ARHGAP35: variants seen among roughly 807,000 people sequenced by gnomAD.
ARHGAP35 encodes Rho GTPase activating protein 35, also known as rho GTPase-activating protein 35.
In ARHGAP35, 15 loss-of-function variants were observed where a neutral mutation model predicts 111.1. The ratio of observed to expected loss-of-function variants is 0.13; its 90% CI spans 0.09 to 0.21. The LOEUF is 0.21. ARHGAP35 is among the 10% of genes least tolerant of loss of function. ARHGAP35 has a pLI of 1.00. For missense variants in ARHGAP35, 1,262 were observed against 1,873.0 expected (o/e 0.67, Z 6.02); for synonymous variants, 643 against 710.3 (o/e 0.91, Z 1.51).
In ARHGAP35 at chr19:46,989,249, G is replaced by C. The variant is rs891106786; in HGVS notation, c.3905-295G>C. The stretch of plus-strand genomic sequence containing the variant: ...AAGGAAGAGGCAACAGCATATCAAA[G>C]CCAGATGAAGGCAAGCTCCTGGCAC... On this transcript the variant is annotated intron_variant, in intron 4 of 6. Transcript: ENST00000672722. This position sits in a 1 kb window ranked among gnomAD's most constrained non-coding sequence, Gnocchi z 5.3. 2 of 303,798 alleles carry C rather than the reference G, an allele frequency of 6.6e-6. No individual in the cohort carries two copies. The highest frequency in any genetic ancestry group is 2.1e-5 in the African/African-American group (1 of 47,518). The allele number at this position is 303,798 out of a possible 1,614,324, so 18.8% of individuals were successfully genotyped here.
intron 2 of ARHGAP35, among the ~76,000 whole-genome samples, chr19:46,934,488 C>T (rs1410083736): frequency 1.3e-5 from 2 of 151,562 alleles, no homozygotes; most frequent in Non-Finnish European, 2.9e-5. Context: ...CCACCTCAGC[C>T]TCCTGAGTAG....
At chr19:46,879,019 C>T (rs947143178) in intron 1 of ARHGAP35, among the ~76,000 whole-genome samples, 4 of 152,150 alleles carry the variant, frequency 2.6e-5, no homozygotes, top group African/African-American at 4.8e-5. Flanking sequence ...TTTTATCCAC[C>T]GTAGAACTTC....
At chr19:46,938,652 C>T (rs942869235) in intron 3 of ARHGAP35, among the ~76,000 whole-genome samples, 5 of 150,146 alleles carry the variant, frequency 3.3e-5, no homozygotes, top group East Asian at 2.0e-4. Flanking sequence ...GGTGCCCAGC[C>T]GAAGATAGCA....
chr19:46,991,026 A>ATAGAGTAGCC (rs1343484304), intron 5 of ARHGAP35, among the ~76,000 whole-genome samples: 3 of 152,234 alleles, frequency 2.0e-5, no homozygotes, highest in Non-Finnish European at 4.4e-5. Flanking sequence ...TGGGAGGGTC[A>ATAGAGTAGCC]TAGAGTAGCC....
intron 1 of ARHGAP35, among the ~76,000 whole-genome samples, chr19:46,868,548 C>CAGCTT (rs2055870397): frequency 6.6e-6 from 1 of 152,142 alleles, no homozygotes; most frequent in Non-Finnish European, 1.5e-5. Context: ...CCACAAGTAC[C>CAGCTT]AGCTTGCCTT....
chr19:46,984,936 C>T (rs949396537), intron 3 of ARHGAP35, among the ~76,000 whole-genome samples: 3 of 152,220 alleles, frequency 2.0e-5, no homozygotes, highest in African/African-American at 2.4e-5. Context: ...GTGCGGCCCT[C>T]GGCTGGCCAG....
At chr19:46,862,098 C>G (rs531428968) in intron 1 of ARHGAP35, among the ~76,000 whole-genome samples, 2 of 152,250 alleles carry the variant, frequency 1.3e-5, no homozygotes, top group East Asian at 1.9e-4. Context: ...CCTTTCCTCT[C>G]TTCCAGACCT....
chr19:46,902,472 G>C (rs555898585), intron 1 of ARHGAP35, among the ~76,000 whole-genome samples: 2 of 152,130 alleles, frequency 1.3e-5, no homozygotes, highest in African/African-American at 4.8e-5. Flanking sequence ...TTAGGGGAGC[G>C]GAGAAAGGGG....
intron 1 of ARHGAP35, among the ~76,000 whole-genome samples, chr19:46,906,913 A>T (rs1333483082): frequency 6.6e-6 from 1 of 151,972 alleles, no homozygotes; most frequent in African/African-American, 2.4e-5. Context: ...CCATGGTAAA[A>T]CCCCATCTCT....
chr19:46,967,284 C>T (rs2056521010), intron 3 of ARHGAP35, among the ~76,000 whole-genome samples: 1 of 152,120 alleles, frequency 6.6e-6, no homozygotes, highest in Non-Finnish European at 1.5e-5. Flanking sequence ...CTCACCGTTA[C>T]CATTTGCGGG....
chr19:46,877,004 CTT>C (rs947809923), intron 1 of ARHGAP35, among the ~76,000 whole-genome samples: 2 of 151,572 alleles, frequency 1.3e-5, no homozygotes, highest in Non-Finnish European at 2.9e-5. Flanking sequence ...AATCCCAGCA[CTT>C]TGGGAGGCCG....
At chr19:46,874,501 CTTTT>C (rs758783354) in intron 1 of ARHGAP35, among the ~76,000 whole-genome samples, 2 of 114,468 alleles carry the variant, frequency 1.7e-5, no homozygotes, top group Non-Finnish European at 1.7e-5. Context: ...TATGTTTTGT[CTTTT>C]TTTTTTTTTT....
chr19:46,892,662 T>TTC (rs1262015418), intron 1 of ARHGAP35, among the ~76,000 whole-genome samples: 15 of 151,080 alleles, frequency 9.9e-5, no homozygotes, highest in African/African-American at 3.7e-4. Flanking sequence ...TTTTTTTTTT[T>TTC]TCTGCCAGGA....
intron 1 of ARHGAP35, among the ~76,000 whole-genome samples, chr19:46,891,371 G>A (rs1207948325): frequency 6.6e-6 from 1 of 151,822 alleles, no homozygotes; most frequent in Non-Finnish European, 1.5e-5. Flanking sequence ...AGAAACAGTG[G>A]CTCAATCTCT....
Position 47,000,445 on chromosome 19 carries a change from C to T in ARHGAP35, c.4257C>T (p.Arg1419=). 1 of 1,613,926 alleles carries T rather than the reference C, an allele frequency of 6.2e-7. No individual in the cohort carries two copies. The highest frequency in any genetic ancestry group is 8.5e-7 in the Non-Finnish European group (1 of 1,179,868). The part of the protein sequence containing the change: ...FSTMDALTAT[R]TYQTIIELFI... ...CTATGGACGCCCTCACAGCCACGCG[C>T]ACCTACCAGACAATCATTGAACTCT... Residue 1419 remains arginine (R), a synonymous_variant, in exon 7 of 7, where the codon CGC becomes CGT. Transcript: ENST00000672722. This position sits in a 1 kb window ranked among gnomAD's most constrained non-coding sequence, Gnocchi z 6.9.
intron 1 of ARHGAP35, among the ~76,000 whole-genome samples, chr19:46,862,001 A>G (rs973870578): frequency 5.9e-5 from 9 of 151,960 alleles, no homozygotes; most frequent in Admixed American, 5.9e-4. Context: ...TCCGTGCCCC[A>G]GCTCATTCCC....
chr19:46,888,967 T>C (rs2056010076), intron 1 of ARHGAP35, among the ~76,000 whole-genome samples: 1 of 150,376 alleles, frequency 6.6e-6, no homozygotes, highest in African/African-American at 2.4e-5. Flanking sequence ...GCCACTGCAC[T>C]CCAGCCTGGG....
chr19:46,871,682 T>C (rs963291214), intron 1 of ARHGAP35, among the ~76,000 whole-genome samples: 4 of 151,556 alleles, frequency 2.6e-5, no homozygotes, highest in South Asian at 4.2e-4. Flanking sequence ...GATCTACTTA[T>C]AAGAATCTAT....
chr19:46,928,987 C>T lies in ARHGAP35; in HGVS notation c.3681+6631C>T, dbSNP rs532996000. ...GGTCCTGCAATAGGATGACATGTCT[C>T]CGTTTCTTTCTCCATTATTTAAGAT... On this transcript the variant is annotated intron_variant, in intron 2 of 6. Transcript: ENST00000672722. 8.0e-3 allele frequency among the ~76,000 whole-genome samples: 647 copies of T among 81,284 alleles called. 2 individuals carry two copies. Among genetic ancestry groups the T allele is most frequent in the South Asian group, 0.012 (22 of 1,886 alleles). The allele number at this position is 81,284 out of a possible 152,430, so 53.3% of individuals were successfully genotyped here. A position where few individuals can be genotyped will look rare whatever the true frequency, so the allele number is the denominator to read the frequency against.
Sources: gnomAD v4.1 joint callset for allele counts (sites outside exome capture counted in the v4.1 genomes callset) on GRCh38, gnomAD v4.1.1 for gene constraint, Gnocchi (gnomAD v3.1) non-coding constraint, MANE v1.5 for transcripts, NCBI Gene and HGNC (gene_info 2026-07-23, HGNC 2026-07-21) for gene names.